GUCY1A2: variants seen among roughly 807,000 people sequenced by gnomAD.
GUCY1A2 encodes guanylate cyclase soluble subunit alpha-2.
In GUCY1A2, 27 loss-of-function variants were observed where a neutral mutation model predicts 63.5. The observed-to-expected ratio is 0.43, with a 90% confidence interval of 0.31 to 0.59. GUCY1A2 has a LOEUF of 0.59. Ranked by LOEUF, GUCY1A2 falls within the 20% of genes least tolerant of loss-of-function variation. The pLI is 0.11. For missense variants in GUCY1A2, 768 were observed against 913.3 expected, an observed-to-expected ratio of 0.84 and a Z score of 2.05; for synonymous variants, 364 against 343.5, an observed-to-expected ratio of 1.06 and a Z score of -0.66.
At chr11:106,726,505 G>A (rs11211884) in intron 6 of GUCY1A2, among the ~76,000 whole-genome samples, 74,895 of 152,044 alleles carry the variant, frequency 0.49, 20,054 homozygotes, top group African/African-American at 0.7. Context: ...TAGCACATTG[G>A]CAGATTGTAT....
intron 4 of GUCY1A2, among the ~76,000 whole-genome samples, chr11:106,866,708 G>A (rs1859599169): frequency 6.6e-6 from 1 of 151,976 alleles, no homozygotes; most frequent in Admixed American, 6.6e-5. Flanking sequence ...AAGGTGAAGA[G>A]GCAAATTAGT....
At chr11:106,713,562 A>G (rs1320017449) in intron 6 of GUCY1A2, among the ~76,000 whole-genome samples, 1 of 123,844 alleles carries the variant, frequency 8.1e-6, no homozygotes, top group Non-Finnish European at 1.6e-5. Context: ...GCTGGAGTGC[A>G]GTGGCGCGAT....
chr11:106,806,521 T>C (rs1263541787), intron 5 of GUCY1A2, among the ~76,000 whole-genome samples: 1 of 152,224 alleles, frequency 6.6e-6, no homozygotes. Context: ...ATGCCATTAT[T>C]ATTGTTACTA....
chr11:106,705,860 A>G (rs575450413), intron 7 of GUCY1A2, among the ~76,000 whole-genome samples: 2 of 152,214 alleles, frequency 1.3e-5, no homozygotes, highest in Admixed American at 1.3e-4. Flanking sequence ...ACTCGTCTCA[A>G]AAAAAAGAAG....
At chr11:106,955,309 A>C (rs1165734226) in intron 3 of GUCY1A2, among the ~76,000 whole-genome samples, 1 of 152,108 alleles carries the variant, frequency 6.6e-6, no homozygotes, top group Non-Finnish European at 1.5e-5. Context: ...GCCCATTTAC[A>C]TTAGTATTGT....
At position 106,686,852 on chromosome 11, in the gene GUCY1A2, C is replaced by A. The variant is rs1470840095; in HGVS notation, c.*697G>T. 5.1e-6 allele frequency: 1 copy of A among 195,766 alleles called. No individual in the cohort carries two copies. The highest frequency in any genetic ancestry group is 1.1e-5 in the Non-Finnish European group (1 of 94,420). The allele number at this position is 195,766 out of a possible 1,614,324, so 12.1% of individuals were successfully genotyped here. A position where few individuals can be genotyped will look rare whatever the true frequency, so the allele number is the denominator to read the frequency against. On this transcript the variant is annotated 3_prime_UTR_variant, in exon 8 of 8. Coordinates refer to ENST00000526355, the MANE Select transcript of GUCY1A2 (RefSeq NM_000855.3). ...ATAATGCTTTCTTGGTATCTGAAAT[C>A]CTTGGTTATATGTATTCTCAGTCGA...
Position 106,939,822 on chromosome 11 carries a change from T to G in GUCY1A2, c.844A>C (p.Asn282His). 1.2e-6 allele frequency: 2 copies of G among 1,613,860 alleles called. No homozygotes were observed. Among genetic ancestry groups the G allele is most frequent in the Non-Finnish European group, 1.7e-6 (2 of 1,179,734 alleles). ...GTAAGACAGCTACAATTGCCTGGGTTTGAAACATCAGAGCATAGCTTCTCA... is the reference window on the plus strand; with the variant it reads ...GTAAGACAGCTACAATTGCCTGGGTGTGAAACATCAGAGCATAGCTTCTCA... ...ANEKLCSDVS[N>H]PGNCSCLTFL... Residue 282 changes from asparagine (N) to histidine (H), a missense_variant, in exon 4 of 8, where the codon AAC becomes CAC. Asn to His is a moderately conservative substitution (Grantham distance 68). This residue lies in a region of GUCY1A2 where 496 missense variants were observed against 486.9 expected (regional missense o/e 1.02). Transcript: ENST00000526355.
At chr11:106,746,638 C>G in intron 6 of GUCY1A2, 2 of 1,585,414 alleles carry the variant, frequency 1.3e-6, no homozygotes, top group Non-Finnish European at 1.7e-6. Flanking sequence ...GTTCACTCCT[C>G]TGGGGCTTGA....
intron 4 of GUCY1A2, among the ~76,000 whole-genome samples, chr11:106,881,287 T>C (rs745586207): frequency 6.6e-5 from 10 of 152,090 alleles, no homozygotes; most frequent in Non-Finnish European, 1.2e-4. Context: ...AAAGGATGAA[T>C]GAATTACAAA....
intron 3 of GUCY1A2, among the ~76,000 whole-genome samples, chr11:106,976,080 T>C (rs904651623): frequency 1.3e-5 from 2 of 152,168 alleles, no homozygotes; most frequent in Non-Finnish European, 2.9e-5. Flanking sequence ...ATAAATAATA[T>C]ACAAATAAGT....
intron 6 of GUCY1A2, among the ~76,000 whole-genome samples, chr11:106,710,141 ATATAGT>A (rs1863080906): frequency 9.8e-6 from 1 of 101,528 alleles, no homozygotes; most frequent in Admixed American, 1.2e-4. Flanking sequence ...TATATATAAT[ATATAGT>A]TATATATATT....
At chr11:107,001,401 C>T (rs1861610531) in intron 1 of GUCY1A2, among the ~76,000 whole-genome samples, 1 of 152,022 alleles carries the variant, frequency 6.6e-6, no homozygotes, top group Admixed American at 6.6e-5. Context: ...GAAGATCAAG[C>T]ATTCAAGGAA....
rs1357588205 is a variant in GUCY1A2, at chr11:106,978,739, A to G, written c.367T>C (p.Tyr123His). The G allele has an allele frequency of 2.1e-5, 34 of 1,590,150 alleles. No homozygotes were observed. Among genetic ancestry groups the G allele is most frequent in the Non-Finnish European group, 2.7e-5 (32 of 1,171,162 alleles). ...TGGAAATTCTTTTCTGCATCCCTGT[A>G]ACTAAGAAGAAAACAAAATTAGCAT... ...LQYYEHQVIG[Y>H]RDAEKNFHNI... Residue 123 changes from tyrosine to histidine, a missense_variant and splice_region_variant, in exon 3 of 8, where the codon TAC becomes CAC. Transcript: ENST00000526355.
chr11:106,701,333 C>A (rs1412253240), intron 7 of GUCY1A2, among the ~76,000 whole-genome samples: 1 of 151,918 alleles, frequency 6.6e-6, no homozygotes, highest in Non-Finnish European at 1.5e-5. Flanking sequence ...GTTAGAAATA[C>A]AGACACTCCA....
intron 4 of GUCY1A2, among the ~76,000 whole-genome samples, chr11:106,926,857 C>T (rs1438450904): frequency 4.6e-5 from 7 of 151,340 alleles, no homozygotes; most frequent in South Asian, 2.1e-4. Context: ...TTTATAGTGT[C>T]CAATGATCCC....
Position 106,863,111 on chromosome 11 carries a change from T to C in GUCY1A2, c.1207-52633A>G, listed in dbSNP as rs117526846. On this transcript the variant is annotated intron_variant, in intron 4 of 7. Transcript: ENST00000526355. ...AACACAAAGGGAGAGTGAAAGATAA[T>C]CCCTTTTGCTGTGCAGAAGCTCTTT... Among the ~76,000 whole-genome samples the C allele has an allele frequency of 2.6e-3, 389 of 152,208 alleles. 2 individuals are homozygous for C. The highest frequency in any genetic ancestry group is 5.4e-3 in the Admixed American group (82 of 15,252).
chr11:106,891,211 T>C (rs1330734597), intron 4 of GUCY1A2, among the ~76,000 whole-genome samples: 1 of 152,196 alleles, frequency 6.6e-6, no homozygotes, highest in Non-Finnish European at 1.5e-5. Context: ...CATTTTTTGA[T>C]AATGATAATG....
intron 4 of GUCY1A2, among the ~76,000 whole-genome samples, chr11:106,914,455 G>A (rs1441214716): frequency 6.6e-6 from 1 of 152,048 alleles, no homozygotes; most frequent in Non-Finnish European, 1.5e-5. Context: ...TTAACATGTT[G>A]TAAACAGGCT....
intron 4 of GUCY1A2, among the ~76,000 whole-genome samples, chr11:106,878,550 C>A (rs2135469584): frequency 6.6e-6 from 1 of 152,102 alleles, no homozygotes; most frequent in East Asian, 1.9e-4. Flanking sequence ...ACTGCATGTT[C>A]TCACTTTTAA....
Sources: allele counts gnomAD v4.1 joint callset (sites outside exome capture counted in the v4.1 genomes callset), GRCh38; gene constraint gnomAD v4.1.1; regional missense constraint gnomAD v4.1.1; transcripts MANE v1.5; gene names NCBI Gene and HGNC (gene_info 2026-07-23, HGNC 2026-07-21).